Variants in PLCB4 observed in about 807,000 individuals in gnomAD.
The protein encoded by PLCB4 is phospholipase C beta 4, also known as 1-phosphatidylinositol 4,5-bisphosphate phosphodiesterase beta-4.
In PLCB4, 77 loss-of-function variants were observed where a neutral mutation model predicts 178.8. That is an observed-to-expected ratio of 0.43 (90% CI 0.36 to 0.52). The LOEUF (loss-of-function observed/expected upper bound fraction) is 0.52, where lower values mean the gene tolerates loss of function less well. PLCB4 is among the 20% of genes least tolerant of loss of function. The pLI is 0.00. For synonymous variants in PLCB4, 496 were observed against 490.8 expected (o/e 1.01, Z -0.14); for missense variants, 1,024 against 1,453.4 (o/e 0.70, Z 4.80).
intron 17 of PLCB4, among the ~76,000 whole-genome samples, chr20:9,391,997 T>C (rs911664089): frequency 6.6e-6 from 1 of 152,218 alleles, no homozygotes; most frequent in African/African-American, 2.4e-5. Flanking sequence ...GGTGCAATAC[T>C]ACTTTTCTCT....
chr20:9,402,313 A>G (rs761381387), intron 20 of PLCB4, among the ~76,000 whole-genome samples: 27 of 152,362 alleles, frequency 1.8e-4, no homozygotes, highest in Non-Finnish European at 3.5e-4. Context: ...GGAATTGGCC[A>G]TGCACAGAGG....
At chr20:9,193,914 C>CCT (rs1412060923) in intron 2 of PLCB4, among the ~76,000 whole-genome samples, 1 of 151,980 alleles carries the variant, frequency 6.6e-6, no homozygotes, top group Non-Finnish European at 1.5e-5. Context: ...GACCATTAGA[C>CCT]CTCATGATCA....
chr20:9,324,419 C>T (rs994450187), intron 4 of PLCB4, among the ~76,000 whole-genome samples: 9 of 151,992 alleles, frequency 5.9e-5, no homozygotes, highest in South Asian at 2.1e-4. Context: ...AGTGAGACTC[C>T]GTCTGTCTCA....
intron 35 of PLCB4, among the ~76,000 whole-genome samples, chr20:9,467,704 C>T (rs1049229492): frequency 3.3e-5 from 5 of 152,116 alleles, no homozygotes; most frequent in Admixed American, 3.3e-4. Context: ...TATACATGTT[C>T]CTGCTGGAGT....
chr20:9,272,152 T>C (rs1010673813), intron 3 of PLCB4, among the ~76,000 whole-genome samples: 1 of 151,012 alleles, frequency 6.6e-6, no homozygotes, highest in African/African-American at 2.4e-5. Context: ...TACTCCAGCC[T>C]GGGCAACAGA....
At chr20:9,091,647 G>A (rs1219727938) in intron 1 of PLCB4, among the ~76,000 whole-genome samples, 1 of 150,386 alleles carries the variant, frequency 6.6e-6, no homozygotes, top group Non-Finnish European at 1.5e-5. Context: ...CCTAACTGGG[G>A]AGCGGTGAAG....
At chr20:9,181,015 G>A (rs2093237120) in intron 2 of PLCB4, among the ~76,000 whole-genome samples, 1 of 152,166 alleles carries the variant, frequency 6.6e-6, no homozygotes, top group Non-Finnish European at 1.5e-5. Context: ...GGACCCATAT[G>A]TTGTGCCTGA....
At chr20:9,246,920 G>A (rs547021917) in intron 3 of PLCB4, among the ~76,000 whole-genome samples, 114 of 152,240 alleles carry the variant, frequency 7.5e-4, no homozygotes, top group African/African-American at 2.7e-3. Context: ...GATTACCAAA[G>A]AAATCAGTTG....
At chr20:9,466,873 A>T (rs565832340) in intron 35 of PLCB4, among the ~76,000 whole-genome samples, 39 of 152,328 alleles carry the variant, frequency 2.6e-4, no homozygotes, top group Non-Finnish European at 4.7e-4. Context: ...CAGTGTGGCG[A>T]TTCCTCAAGG....
chr20:9,072,675 G>A (rs2089630147), intron 1 of PLCB4, among the ~76,000 whole-genome samples: 1 of 152,016 alleles, frequency 6.6e-6, no homozygotes, highest in African/African-American at 2.4e-5. Context: ...TGGGTGGAAG[G>A]GTAGAAAGAG....
chr20:9,126,849 G>A (rs1600588287), intron 2 of PLCB4, among the ~76,000 whole-genome samples: 1 of 142,338 alleles, frequency 7.0e-6, no homozygotes, highest in East Asian at 2.1e-4. Flanking sequence ...ATTCAGTCTT[G>A]AGAGAAAACC....
At chr20:9,431,812 C>T (rs1033467) in intron 28 of PLCB4, among the ~76,000 whole-genome samples, 62,290 of 151,802 alleles carry the variant, frequency 0.41, 15,057 homozygotes, top group African/African-American at 0.68. Context: ...GACCGGCCTC[C>T]GCTTTATTTT....
intron 13 of PLCB4, among the ~76,000 whole-genome samples, chr20:9,382,658 C>G (rs929917412): frequency 6.6e-6 from 1 of 152,170 alleles, no homozygotes; most frequent in Non-Finnish European, 1.5e-5. Context: ...CACACATGTA[C>G]GTGACCTCAG....
Position 9,280,107 on chromosome 20 carries a change from C to T in PLCB4, c.-15-27693C>T, listed in dbSNP as rs374295662. 1.1e-4 allele frequency among the ~76,000 whole-genome samples: 16 copies of T among 152,064 alleles called. No individual in the cohort carries two copies. The East Asian group carries it at 2.1e-3, about 20-fold the overall frequency. Reference sequence around the variant, plus strand: ...AAGCCAAGATGGGGACTGACTTGTTCAGTTGCTAGAAGCCAAAAGACTGTT... The same window carrying T: ...AAGCCAAGATGGGGACTGACTTGTTTAGTTGCTAGAAGCCAAAAGACTGTT... On this transcript the variant is annotated intron_variant, in intron 3 of 39. Transcript: ENST00000378473.
At chr20:9,471,413 G>A (rs1015187367) in intron 36 of PLCB4, among the ~76,000 whole-genome samples, 1 of 151,704 alleles carries the variant, frequency 6.6e-6, no homozygotes, top group African/African-American at 2.4e-5. Context: ...AGAAGAGAGA[G>A]AAAGCACGAA....
intron 17 of PLCB4, 116 bp downstream of exon 17, chr20:9,390,731 C>A (rs926076318): frequency 1.1e-5 from 6 of 551,974 alleles, no homozygotes; most frequent in African/African-American, 3.8e-5. Context: ...TATTTAAATT[C>A]TTTGGTACGG....
intron 3 of PLCB4, among the ~76,000 whole-genome samples, chr20:9,225,380 AG>A (rs2093850895): frequency 6.6e-6 from 1 of 152,190 alleles, no homozygotes; most frequent in South Asian, 2.1e-4. Flanking sequence ...ACTTTTTAAA[AG>A]GTTGTATTAG....
intron 25 of PLCB4, among the ~76,000 whole-genome samples, chr20:9,418,404 T>C (rs912247300): frequency 2.0e-5 from 3 of 152,204 alleles, no homozygotes; most frequent in African/African-American, 7.2e-5. Flanking sequence ...ATCCTGTCAC[T>C]ATTTATTTAA....
intron 3 of PLCB4, among the ~76,000 whole-genome samples, chr20:9,268,608 G>T (rs984227023): frequency 2.0e-5 from 3 of 152,110 alleles, no homozygotes; most frequent in Admixed American, 2.0e-4. Flanking sequence ...GAAAAGGAAG[G>T]ATTTCTAGAT....
Sources: gnomAD v4.1 joint callset for allele counts (sites outside exome capture counted in the v4.1 genomes callset) on GRCh38, gnomAD v4.1.1 for gene constraint, MANE v1.5 for transcripts, NCBI Gene and HGNC (gene_info 2026-07-23, HGNC 2026-07-21) for gene names.